Variants in DAGLA observed in about 807,000 individuals in gnomAD.
The protein encoded by DAGLA is diacylglycerol lipase-alpha.
In DAGLA, 22 loss-of-function variants were observed where a neutral mutation model predicts 102.6. The observed-to-expected ratio is 0.21, with a 90% CI of 0.15 to 0.31. The LOEUF (loss-of-function observed/expected upper bound fraction) is 0.31, where lower values mean the gene tolerates loss of function less well. Ranked by LOEUF, DAGLA falls within the 10% of genes least tolerant of loss-of-function variation. The pLI, the probability that DAGLA is intolerant of heterozygous loss-of-function variation, is 1.00. For missense variants in DAGLA, 927 were observed against 1,446.6 expected (o/e 0.64, Z 5.83); for synonymous variants, 578 against 628.9 (o/e 0.92, Z 1.21).
chr11:61,737,779 G>A (rs2065437351), intron 15 of DAGLA, 24 bp downstream of exon 15: 1 of 1,610,214 alleles, frequency 6.2e-7, no homozygotes, highest in East Asian at 2.2e-5. Flanking sequence ...CCCGCTCCAT[G>A]GTCCCTTGCC....
intron 1 of DAGLA, among the ~76,000 whole-genome samples, chr11:61,681,573 G>A (rs1462912933): frequency 1.3e-5 from 2 of 152,084 alleles, no homozygotes; most frequent in Non-Finnish European, 2.9e-5. Context: ...TGGGTTGATG[G>A]GTTCACTCCA....
rs1159134384 is a variant in DAGLA at position 61,746,073 on chromosome 11, C to T, written c.*1584C>T. ...CTGCAGCCTCCCTGGGTGGCCTAGG[C>T]TCCCCCGACCAAGAGACCTCCCTCT... On this transcript the variant is annotated 3_prime_UTR_variant, in exon 20 of 20. Transcript: ENST00000257215. 2 of 152,398 alleles carry T rather than the reference C, an allele frequency of 1.3e-5. No individual in the cohort carries two copies. Among genetic ancestry groups the T allele is most frequent in the African/African-American group, 4.8e-5 (2 of 41,444 alleles). 9.4% of individuals were successfully genotyped at this position (152,398 alleles called of 1,614,324 possible). A position where few individuals can be genotyped will look rare whatever the true frequency, so the allele number is the denominator to read the frequency against.
intron 6 of DAGLA, among the ~76,000 whole-genome samples, chr11:61,726,464 C>T (rs1328150750): frequency 1.3e-5 from 2 of 152,242 alleles, no homozygotes; most frequent in Non-Finnish European, 2.9e-5. Context: ...TAGCACGGTC[C>T]TAGATGGGGA....
At chr11:61,696,591 G>A (rs2065068212) in intron 1 of DAGLA, among the ~76,000 whole-genome samples, 2 of 131,562 alleles carry the variant, frequency 1.5e-5, no homozygotes, top group Non-Finnish European at 1.6e-5. Flanking sequence ...GCGACCCGGG[G>A]TTGGGGGTGG....
At position 61,739,521 on chromosome 11, in the gene DAGLA, G is replaced by A. The variant is rs752188237; in HGVS notation, c.1713G>A (p.Glu571=). The change falls in exon 17 of 20, where the codon GAG becomes GAA. Residue 571 remains glutamate, a synonymous_variant. Transcript: ENST00000257215. ...TCCCCAAGTCGGAGCTGCCTGAGGA[G>A]GTAGAGGTGACCACCCTGGCCAGCA... ...KCIPKSELPE[E]VEVTTLASTR... The A allele has an allele frequency of 1.2e-6, 2 of 1,614,120 alleles. No homozygotes were observed. The highest frequency in any genetic ancestry group is 1.7e-6 in the Non-Finnish European group (2 of 1,180,036).
At position 61,734,539 on chromosome 11, in the gene DAGLA, G is replaced by A. The variant is rs934345587; in HGVS notation, c.975-310G>A. On this transcript the variant is annotated intron_variant, in intron 9 of 19. Coordinates refer to ENST00000257215, the MANE Select transcript of DAGLA (RefSeq NM_006133.3). This position sits in a 1 kb window ranked among gnomAD's most constrained non-coding sequence, Gnocchi z 4.2. ...CCAGTGCCCCCAGAGGGACCCCAGGGCTTCAGTGTTGGGTGCATCGCTGAG... is the reference window on the plus strand; with the variant it reads ...CCAGTGCCCCCAGAGGGACCCCAGGACTTCAGTGTTGGGTGCATCGCTGAG... Among the ~76,000 whole-genome samples, 32 of 152,092 alleles carry A rather than the reference G, an allele frequency of 2.1e-4. No individual in the cohort carries two copies. Among genetic ancestry groups the A allele is most frequent in the Non-Finnish European group, 2.8e-4 (19 of 68,002 alleles).
At chr11:61,717,767 A>C (rs1233166097) in intron 1 of DAGLA, among the ~76,000 whole-genome samples, 1 of 152,116 alleles carries the variant, frequency 6.6e-6, no homozygotes, top group African/African-American at 2.4e-5. Flanking sequence ...GCCCCGCCTC[A>C]TACTCTAGGT....
In DAGLA at chr11:61,720,906, C is replaced by A. The variant is rs750140845; in HGVS notation, c.307+16C>A. ...GTGCGCCTGGGTAAGGGCCACCCAC[C>A]CTGGGGTGCTGCCCCAGACAACTCC... On this transcript the variant is annotated intron_variant, in intron 3 of 19. Transcript: ENST00000257215. 7 of 1,605,262 alleles carry A rather than the reference C, an allele frequency of 4.4e-6. No individual in the cohort carries two copies. Among genetic ancestry groups the A allele is most frequent in the Non-Finnish European group, 6.0e-6 (7 of 1,174,780 alleles).
intron 1 of DAGLA, among the ~76,000 whole-genome samples, chr11:61,716,902 C>T (rs2065239665): frequency 6.6e-6 from 1 of 152,114 alleles, no homozygotes; most frequent in South Asian, 2.1e-4. Context: ...TCATTCCATC[C>T]ATGTGAGAGG....
chr11:61,715,020 T>C (rs935155564), intron 1 of DAGLA, among the ~76,000 whole-genome samples: 4 of 152,206 alleles, frequency 2.6e-5, no homozygotes, highest in African/African-American at 9.7e-5. Flanking sequence ...GTAGGTACTC[T>C]TCTTATCCCT....
chr11:61,724,975 A>T (rs1016603826), intron 5 of DAGLA, among the ~76,000 whole-genome samples: 13 of 152,200 alleles, frequency 8.5e-5, no homozygotes, highest in African/African-American at 3.1e-4. Flanking sequence ...TTATGAAGCC[A>T]GGGTTGGAGA....
chr11:61,715,629 TG>T (rs1287963292), intron 1 of DAGLA, among the ~76,000 whole-genome samples: 1 of 152,160 alleles, frequency 6.6e-6, no homozygotes, highest in Non-Finnish European at 1.5e-5. Flanking sequence ...GGAGCACTCA[TG>T]GTGGGGGCAG....
intron 1 of DAGLA, among the ~76,000 whole-genome samples, chr11:61,688,172 G>A (rs1343170482): frequency 6.6e-6 from 1 of 151,988 alleles, no homozygotes; most frequent in African/African-American, 2.4e-5. Context: ...AAAATTAGCC[G>A]GGCATGGTGG....
At chr11:61,696,374 A>G (rs917584733) in intron 1 of DAGLA, among the ~76,000 whole-genome samples, 25 of 152,138 alleles carry the variant, frequency 1.6e-4, no homozygotes, top group African/African-American at 5.1e-4. Flanking sequence ...TTCCACTCCC[A>G]GTGGACCTGA....
intron 1 of DAGLA, among the ~76,000 whole-genome samples, chr11:61,695,930 GC>G (rs2065061230): frequency 6.6e-6 from 1 of 152,174 alleles, no homozygotes; most frequent in South Asian, 2.1e-4. Flanking sequence ...CAGGCTCCGG[GC>G]CAGAGCCCAG....
At chr11:61,741,591 A>G (rs1314629691) in intron 19 of DAGLA, among the ~76,000 whole-genome samples, 1 of 151,642 alleles carries the variant, frequency 6.6e-6, no homozygotes, top group Non-Finnish European at 1.5e-5. Flanking sequence ...CTGGGCCACA[A>G]AAGCACAGAT....
Position 61,728,298 on chromosome 11 carries a change from C to T in DAGLA, c.771+11C>T. On this transcript the variant is annotated intron_variant, in intron 7 of 19. Transcript: ENST00000257215. ...GCCGTGCTGGACGAGGTGAGCACCACCAGCCCCTTCTCCAGGTCACCTCTC... is the reference window on the plus strand; with the variant it reads ...GCCGTGCTGGACGAGGTGAGCACCATCAGCCCCTTCTCCAGGTCACCTCTC... The T allele has an allele frequency of 6.2e-7, 1 of 1,607,796 alleles. No individual in the cohort carries two copies. Among genetic ancestry groups the T allele is most frequent in the Non-Finnish European group, 8.5e-7 (1 of 1,179,348 alleles).
At chr11:61,731,278 AGG>A in intron 8 of DAGLA, 37 bp from the exon 9 acceptor site, 2 of 1,609,012 alleles carry the variant, frequency 1.2e-6, no homozygotes, top group South Asian at 1.1e-5. Flanking sequence ...GTAGGCAGGA[AGG>A]GCAGGAGGTG....
chr11:61,718,476 C>G (rs1190097037), intron 1 of DAGLA, among the ~76,000 whole-genome samples: 1 of 152,132 alleles, frequency 6.6e-6, no homozygotes, highest in African/African-American at 2.4e-5. Flanking sequence ...CAACTGCCAC[C>G]CACGGTGCCC....
Sources: gnomAD v4.1 joint callset for allele counts (sites outside exome capture counted in the v4.1 genomes callset) on GRCh38, gnomAD v4.1.1 for gene constraint, Gnocchi (gnomAD v3.1) non-coding constraint, MANE v1.5 for transcripts, NCBI Gene and HGNC (gene_info 2026-07-23, HGNC 2026-07-21) for gene names.